The following SUCLG2 variants were observed in gnomAD, a reference collection of about 807,000 sequenced individuals.
SUCLG2 encodes succinate-CoA ligase GDP-forming subunit beta.
Under a neutral mutation model 47.9 loss-of-function variants are expected in SUCLG2, and 42 were observed. The observed-to-expected ratio is 0.88, with a 90% confidence interval of 0.69 to 1.14. The LOEUF (loss-of-function observed/expected upper bound fraction) is 1.14, where lower values mean the gene tolerates loss of function less well. Among genes scored for constraint, SUCLG2 ranks in the 50% most tolerant of loss-of-function variants. SUCLG2 has a pLI of 0.00. For missense variants in SUCLG2, 571 were observed against 525.9 expected, an observed-to-expected ratio of 1.09 and a Z score of -0.84; for synonymous variants, 195 against 197.3, an observed-to-expected ratio of 0.99 and a Z score of 0.10.
At chr3:67,373,884 G>A (rs141577392), downstream of SUCLG2, among the ~76,000 whole-genome samples, 44 of 152,188 alleles carry the variant, frequency 2.9e-4, no homozygotes, top group African/African-American at 9.4e-4. Context: ...GACAAGCTAC[G>A]CTAAGGATGC....
chr3:67,449,293 C>A (rs1236050571), intron 9 of SUCLG2, among the ~76,000 whole-genome samples: 1 of 152,146 alleles, frequency 6.6e-6, no homozygotes, highest in African/African-American at 2.4e-5. Context: ...AGCCTATGAG[C>A]TTTATCTGGG....
chr3:67,538,382 T>C (rs904634854), intron 2 of SUCLG2, among the ~76,000 whole-genome samples: 13 of 152,170 alleles, frequency 8.5e-5, no homozygotes, highest in Admixed American at 1.3e-4. Flanking sequence ...TGGTTGTAGA[T>C]GTGTGGTGTT....
chr3:67,608,426 T>C (rs1035623422), intron 2 of SUCLG2, among the ~76,000 whole-genome samples: 1 of 152,138 alleles, frequency 6.6e-6, no homozygotes, highest in Non-Finnish European at 1.5e-5. Context: ...TTTTGCTTTT[T>C]TAAATTGCAG....
chr3:67,397,577 G>C (rs1399857917), intron 10 of SUCLG2, among the ~76,000 whole-genome samples: 1 of 152,114 alleles, frequency 6.6e-6, no homozygotes, highest in Non-Finnish European at 1.5e-5. Flanking sequence ...TCAATATCGT[G>C]AAAATGGCCA....
chr3:67,432,777 T>A (rs1261592320), intron 9 of SUCLG2, among the ~76,000 whole-genome samples: 2 of 152,204 alleles, frequency 1.3e-5, no homozygotes, highest in Admixed American at 6.5e-5. Flanking sequence ...ATAGAGAGAA[T>A]TATCAAATAA....
chr3:67,528,023 A>C, intron 4 of SUCLG2, 109 bp downstream of exon 4: 2 of 920,340 alleles, frequency 2.2e-6, no homozygotes, highest in Non-Finnish European at 3.3e-6. Context: ...ATAAAATGGC[A>C]CACTGCCAAA....
rs1369766974 is a variant in SUCLG2 at position 67,441,211 on chromosome 3, C to T, written c.1063-40360G>A. Among the ~76,000 whole-genome samples the T allele has an allele frequency of 1.1e-4, 17 of 151,998 alleles. 1 individual carries two copies. Among genetic ancestry groups the T allele is most frequent in the Admixed American group, 1.1e-3 (17 of 15,262 alleles). ...TGGACACAGGGAGGGGAACATCACA[C>T]ACTGGGGCCTGTCAGGGGCTGGGGG... On this transcript the variant is annotated intron_variant, in intron 9 of 10. Transcript: ENST00000307227.
intron 2 of SUCLG2, among the ~76,000 whole-genome samples, chr3:67,575,223 C>T (rs1401267236): frequency 6.6e-6 from 1 of 152,156 alleles, no homozygotes; most frequent in Non-Finnish European, 1.5e-5. Context: ...GAAATGAAAA[C>T]ATTTGTTCAC....
intron 2 of SUCLG2, among the ~76,000 whole-genome samples, chr3:67,568,866 G>A (rs930036285): frequency 2.6e-5 from 4 of 152,216 alleles, no homozygotes; most frequent in Admixed American, 2.0e-4. Flanking sequence ...CAGCCTGGGC[G>A]ACAGAGCGAG....
intron 10 of SUCLG2, among the ~76,000 whole-genome samples, chr3:67,365,647 A>T (rs1267108717): frequency 6.6e-6 from 1 of 152,230 alleles, no homozygotes; most frequent in African/African-American, 2.4e-5. Flanking sequence ...AACATGTATG[A>T]CTAAGCATAC....
At chr3:67,496,906 T>C (rs913551586) in intron 8 of SUCLG2, among the ~76,000 whole-genome samples, 1 of 152,170 alleles carries the variant, frequency 6.6e-6, no homozygotes, top group Admixed American at 6.5e-5. Context: ...TAATTAAATT[T>C]GGAGTAACTA....
At chr3:67,499,710 T>A (rs1705445260) in intron 7 of SUCLG2, among the ~76,000 whole-genome samples, 1 of 150,824 alleles carries the variant, frequency 6.6e-6, no homozygotes, top group South Asian at 2.1e-4. Flanking sequence ...ATCATAATGT[T>A]TGTTTGTTTG....
At chr3:67,460,182 C>T (rs922641968) in intron 9 of SUCLG2, among the ~76,000 whole-genome samples, 1 of 152,134 alleles carries the variant, frequency 6.6e-6, no homozygotes, top group Non-Finnish European at 1.5e-5. Flanking sequence ...TAGTAAATCA[C>T]TACTGATTGA....
At chr3:67,572,036 T>A (rs1707627243) in intron 2 of SUCLG2, among the ~76,000 whole-genome samples, 1 of 152,230 alleles carries the variant, frequency 6.6e-6, no homozygotes, top group South Asian at 2.1e-4. Context: ...GTCCACCTAA[T>A]ACAACCACCT....
intron 10 of SUCLG2, among the ~76,000 whole-genome samples, chr3:67,384,062 G>A (rs1702212730): frequency 6.6e-6 from 1 of 152,154 alleles, no homozygotes; most frequent in Non-Finnish European, 1.5e-5. Flanking sequence ...TGTCGAAAAT[G>A]CTGACTTTGG....
intron 2 of SUCLG2, among the ~76,000 whole-genome samples, chr3:67,560,003 C>G (rs1032998693): frequency 3.2e-4 from 48 of 152,040 alleles, no homozygotes; most frequent in Admixed American, 9.8e-4. Context: ...CTGTACCTTC[C>G]TCTCAATTTT....
At chr3:67,400,584 G>T in intron 10 of SUCLG2, 147 bp downstream of exon 10, 2 of 959,800 alleles carry the variant, frequency 2.1e-6, no homozygotes, top group East Asian at 3.1e-5. Flanking sequence ...TAGAGGCCCA[G>T]GGAAGTCCTG....
rs912142947 is a variant in SUCLG2, at chr3:67,495,825, T to A, written c.1035A>T (p.Ala345=). ...GGVKEAQVYQ[A]FKLLTADPKV... is the part of the protein sequence containing the mutation. ...TAGGATCAGCTGTGAGCAATTTGAA[T>A]GCTTGATATACTTGAGCTTCCTTTA... The change falls in exon 9 of 11, where the codon GCA becomes GCT. Residue 345 remains alanine, a synonymous_variant. Coordinates refer to ENST00000307227, the MANE Select transcript of SUCLG2 (RefSeq NM_003848.4). The A allele has an allele frequency of 6.2e-7, 1 of 1,613,874 alleles. No homozygotes were observed. The highest frequency in any genetic ancestry group is 8.5e-7 in the Non-Finnish European group (1 of 1,179,976).
chr3:67,532,853 T>C (rs1657741279), intron 2 of SUCLG2, among the ~76,000 whole-genome samples: 1 of 152,226 alleles, frequency 6.6e-6, no homozygotes. Context: ...TACAAATATT[T>C]TCTTTTCATT....
Sources: gnomAD v4.1 joint callset for allele counts (sites outside exome capture counted in the v4.1 genomes callset) on GRCh38, gnomAD v4.1.1 for gene constraint, MANE v1.5 for transcripts, NCBI Gene and HGNC (gene_info 2026-07-23, HGNC 2026-07-21) for gene names.